Variants in NELL1 observed in about 807,000 individuals in gnomAD.
The protein encoded by NELL1 is protein kinase C-binding protein NELL1.
NELL1 carries 76 observed loss-of-function variants against 107.4 expected under a neutral mutation model. That is an observed-to-expected ratio of 0.71 (90% CI 0.59 to 0.86). The LOEUF (loss-of-function observed/expected upper bound fraction) is 0.86, where lower values mean the gene tolerates loss of function less well. NELL1 is among the 40% of genes least tolerant of loss of function. The pLI is 0.00. For synonymous variants in NELL1, 353 were observed against 341.2 expected (o/e 1.03, Z -0.38); for missense variants, 1,024 against 1,005.5 (o/e 1.02, Z -0.25).
At chr11:20,988,722 C>T (rs1851906947) in intron 12 of NELL1, among the ~76,000 whole-genome samples, 1 of 151,622 alleles carries the variant, frequency 6.6e-6, no homozygotes, top group Admixed American at 6.6e-5. Context: ...TCCTGAGTAG[C>T]TGAGACGACA....
At chr11:21,544,502 T>A (rs1856380606) in intron 16 of NELL1, among the ~76,000 whole-genome samples, 1 of 151,954 alleles carries the variant, frequency 6.6e-6, no homozygotes, top group East Asian at 1.9e-4. Context: ...TGATTCGACC[T>A]GAAGGATGGA....
chr11:21,391,995 A>G (rs1851889492), intron 15 of NELL1, among the ~76,000 whole-genome samples: 1 of 151,734 alleles, frequency 6.6e-6, no homozygotes. Flanking sequence ...CAATCCTATA[A>G]ATTAATTAAA....
At chr11:20,692,404 C>T (rs1419523178) in intron 2 of NELL1, among the ~76,000 whole-genome samples, 1 of 151,902 alleles carries the variant, frequency 6.6e-6, no homozygotes, top group African/African-American at 2.4e-5. Flanking sequence ...GTCTTTCCTG[C>T]TTTCTCTTGT....
At chr11:21,182,421 T>C (rs1478549653) in intron 13 of NELL1, among the ~76,000 whole-genome samples, 6 of 135,822 alleles carry the variant, frequency 4.4e-5, no homozygotes, top group Non-Finnish European at 9.3e-5. Flanking sequence ...GGTGACAGAG[T>C]GAGACTCCGT....
chr11:20,702,422 G>T (rs1487700142), intron 2 of NELL1, among the ~76,000 whole-genome samples: 1 of 152,036 alleles, frequency 6.6e-6, no homozygotes, highest in African/African-American at 2.4e-5. Flanking sequence ...GAGACAATGG[G>T]GTTTTCTAAA....
intron 12 of NELL1, among the ~76,000 whole-genome samples, chr11:21,054,966 AC>A (rs1590590863): frequency 1.3e-5 from 2 of 152,112 alleles, no homozygotes; most frequent in East Asian, 3.9e-4. Context: ...GTCAGTCCTC[AC>A]TGGTAGACTA....
chr11:21,568,568 A>G (rs1857025112), intron 17 of NELL1, among the ~76,000 whole-genome samples: 1 of 151,898 alleles, frequency 6.6e-6, no homozygotes, highest in Non-Finnish European at 1.5e-5. Flanking sequence ...AAACACAAAC[A>G]CATTGTACAG....
intron 4 of NELL1, among the ~76,000 whole-genome samples, chr11:20,864,064 C>G (rs1032236120): frequency 1.3e-5 from 2 of 152,014 alleles, no homozygotes; most frequent in African/African-American, 2.4e-5. Flanking sequence ...AGCAGCACAG[C>G]CCAGCCTCGG....
chr11:21,390,748 C>T (rs1851856435), intron 15 of NELL1, among the ~76,000 whole-genome samples: 1 of 151,814 alleles, frequency 6.6e-6, no homozygotes, highest in Non-Finnish European at 1.5e-5. Flanking sequence ...TTCATTCACT[C>T]AATGTTGGGT....
chr11:21,372,446 T>A (rs561046187), intron 15 of NELL1, among the ~76,000 whole-genome samples: 6 of 152,178 alleles, frequency 3.9e-5, no homozygotes, highest in African/African-American at 7.2e-5. Context: ...TTGTTAGGAT[T>A]TTTAAATGAA....
At chr11:20,752,134 T>C (rs897169468) in intron 2 of NELL1, among the ~76,000 whole-genome samples, 1 of 148,376 alleles carries the variant, frequency 6.7e-6, no homozygotes, top group Non-Finnish European at 1.5e-5. Flanking sequence ...ATATTTTTAT[T>C]CCAATTTTAG....
chr11:21,417,830 T>G (rs1011855087), intron 15 of NELL1, among the ~76,000 whole-genome samples: 1 of 151,996 alleles, frequency 6.6e-6, no homozygotes, highest in African/African-American at 2.4e-5. Context: ...GCACCTCACA[T>G]CCTTTACCCA....
chr11:21,477,854 AAAGTT>A (rs1413073893), intron 15 of NELL1, among the ~76,000 whole-genome samples: 1 of 148,644 alleles, frequency 6.7e-6, no homozygotes, highest in African/African-American at 2.4e-5. Flanking sequence ...AAATTATAAT[AAAGTT>A]ATTTATAATA....
At chr11:21,200,215 C>T (rs568064063) in intron 13 of NELL1, among the ~76,000 whole-genome samples, 15 of 152,226 alleles carry the variant, frequency 9.9e-5, no homozygotes, top group East Asian at 9.7e-4. Flanking sequence ...CTTGAGGAAT[C>T]GCCACACTGT....
chr11:21,334,043 A>AT (rs1565173231), intron 14 of NELL1, among the ~76,000 whole-genome samples: 1 of 152,068 alleles, frequency 6.6e-6, no homozygotes, highest in Non-Finnish European at 1.5e-5. Flanking sequence ...TCATTTATTA[A>AT]TTTTTAAATT....
intron 2 of NELL1, among the ~76,000 whole-genome samples, chr11:20,737,886 A>G (rs1225390721): frequency 6.6e-6 from 1 of 151,368 alleles, no homozygotes; most frequent in Non-Finnish European, 1.5e-5. Flanking sequence ...CAATGCTCAG[A>G]GTTGGAACGA....
intron 14 of NELL1, among the ~76,000 whole-genome samples, chr11:21,299,309 C>T (rs924371679): frequency 6.6e-6 from 1 of 151,868 alleles, no homozygotes; most frequent in African/African-American, 2.4e-5. Context: ...GATGAGAATG[C>T]AGACATCGCA....
At chr11:21,449,259 C>T (rs900447251) in intron 15 of NELL1, among the ~76,000 whole-genome samples, 2 of 152,110 alleles carry the variant, frequency 1.3e-5, no homozygotes, top group Non-Finnish European at 2.9e-5. Flanking sequence ...CTAAGAGATA[C>T]CTAGTAAGAT....
intron 3 of NELL1, among the ~76,000 whole-genome samples, chr11:20,830,723 A>G (rs1857990660): frequency 6.6e-6 from 1 of 152,138 alleles, no homozygotes; most frequent in African/African-American, 2.4e-5. Flanking sequence ...ACAGGGATAT[A>G]TTTTATGTGA....
Sources: gnomAD v4.1 joint callset for allele counts (sites outside exome capture counted in the v4.1 genomes callset) on GRCh38, gnomAD v4.1.1 for gene constraint, MANE v1.5 for transcripts, NCBI Gene and HGNC (gene_info 2026-07-23, HGNC 2026-07-21) for gene names.